The following DLC1 variants were observed in gnomAD, a reference collection of about 807,000 sequenced individuals.
DLC1 encodes rho GTPase-activating protein 7.
In DLC1, 54 loss-of-function variants were observed where a neutral mutation model predicts 140.3. That is an observed-to-expected ratio of 0.38 (90% CI 0.31 to 0.48). The LOEUF (loss-of-function observed/expected upper bound fraction) is 0.48. Ranked by LOEUF, DLC1 falls within the 20% of genes least tolerant of loss-of-function variation. DLC1 has a pLI of 0.96. For synonymous variants in DLC1, 986 were observed against 728.1 expected (o/e 1.35, Z -5.70); for missense variants, 2,536 against 1,907.0 (o/e 1.33, Z -6.14).
At chr8:13,445,971 T>C (rs1189645968) in intron 2 of DLC1, among the ~76,000 whole-genome samples, 1 of 152,132 alleles carries the variant, frequency 6.6e-6, no homozygotes, top group Non-Finnish European at 1.5e-5. Flanking sequence ...AAGGGAATGG[T>C]TTAAGTCCTT....
At chr8:13,454,813 C>G (rs1314906708) in intron 2 of DLC1, among the ~76,000 whole-genome samples, 2 of 152,154 alleles carry the variant, frequency 1.3e-5, no homozygotes, top group Admixed American at 6.6e-5. Flanking sequence ...TTTGGCCTCT[C>G]AAAGCACTGG....
At chr8:13,359,244 C>CTT (rs145052135) in intron 4 of DLC1, among the ~76,000 whole-genome samples, 1 of 152,042 alleles carries the variant, frequency 6.6e-6, no homozygotes, top group Non-Finnish European at 1.5e-5. Context: ...ATCCTACAAA[C>CTT]TTTTTTTTCT....
chr8:13,268,961 G>A (rs1042353800), intron 5 of DLC1, among the ~76,000 whole-genome samples: 6 of 142,900 alleles, frequency 4.2e-5, no homozygotes, highest in Admixed American at 1.5e-4. Context: ...TGCAAGCTCC[G>A]CCTCCCGGGT....
rs760200166 is a variant in DLC1, at chr8:13,499,615, T to C, written c.457A>G (p.Ile153Val). ...GAAGAAACTTGGTTACTTTGTATGA[T>C]GGGCAGTGCCTTTTCTAAGGAGCCT... ...GAGSLEKALP[I>V]IQSNQVSSNS... Residue 153 changes from isoleucine (I) to valine (V), a missense_variant, in exon 2 of 18, where the codon ATC becomes GTC. By Grantham distance (29) the Ile-to-Val change is conservative (BLOSUM62 3). Transcript: ENST00000276297. 3.7e-6 allele frequency: 6 copies of C among 1,614,080 alleles called. No homozygotes were observed. The highest frequency in any genetic ancestry group is 1.1e-5 in the South Asian group (1 of 91,094).
Position 13,088,593 on chromosome 8 carries a change from G to C in DLC1, c.4186C>G (p.Leu1396Val). The C allele has an allele frequency of 1.2e-6, 2 of 1,614,110 alleles. No homozygotes were observed. Among genetic ancestry groups the C allele is most frequent in the Non-Finnish European group, 1.7e-6 (2 of 1,180,034 alleles). Residue 1396 changes from leucine (L) to valine (V), a missense_variant, in exon 16 of 18, where the codon CTG becomes GTG. Physicochemically the swap from Leu to Val is conservative, Grantham distance 32. Coordinates refer to ENST00000276297, the MANE Select transcript of DLC1 (RefSeq NM_182643.3). ...LKEQHLWDVD[L>V]LDSKVIEILD... is the part of the protein sequence containing the mutation. ...ATTTCGATCACTTTTGAATCCAACA[G>C]GTCTACATCCCAGAGGTGCTGTTCT...
chr8:13,205,444 C>A (rs77016167), intron 5 of DLC1, among the ~76,000 whole-genome samples: 1 of 151,950 alleles, frequency 6.6e-6, no homozygotes, highest in Non-Finnish European at 1.5e-5. Flanking sequence ...ATTGTGGTTC[C>A]GCGGCATAAA....
intron 1 of DLC1, among the ~76,000 whole-genome samples, chr8:13,523,892 G>A (rs1227688204): frequency 6.6e-6 from 1 of 151,562 alleles, no homozygotes; most frequent in African/African-American, 2.4e-5. Context: ...GTTCCCAAGG[G>A]GGAGGGGAGA....
rs141430462 is a variant in DLC1, at chr8:13,165,023, A to G, written c.1349-49366T>C. Among the ~76,000 whole-genome samples the G allele has an allele frequency of 9.4e-3, 1,425 of 152,294 alleles. 12 individuals are homozygous for G. Among genetic ancestry groups the G allele is most frequent in the Admixed American group, 0.014 (216 of 15,298 alleles). The stretch of plus-strand genomic sequence containing the variant: ...TCATCTGAATATGGTAAGTTGCAGA[A>G]TGGATATGGATGGCTTTATGACTGG... On this transcript the variant is annotated intron_variant, in intron 5 of 17. Coordinates refer to ENST00000276297, the MANE Select transcript of DLC1 (RefSeq NM_182643.3).
At chr8:13,580,924 G>C (rs1183262503) in intron 1 of DLC1, among the ~76,000 whole-genome samples, 2 of 152,182 alleles carry the variant, frequency 1.3e-5, no homozygotes, top group African/African-American at 2.4e-5. Context: ...GGGCTCCCCA[G>C]CATGAACTGA....
intron 5 of DLC1, among the ~76,000 whole-genome samples, chr8:13,274,021 A>G (rs1014566707): frequency 2.0e-5 from 3 of 152,176 alleles, no homozygotes; most frequent in African/African-American, 7.2e-5. Flanking sequence ...CAACATAAAG[A>G]AAAGGGTTTG....
chr8:13,302,597 G>A (rs1832245089), intron 5 of DLC1, among the ~76,000 whole-genome samples: 1 of 151,898 alleles, frequency 6.6e-6, no homozygotes, highest in African/African-American at 2.4e-5. Flanking sequence ...ATTTCATTTA[G>A]AGCTTCACAA....
At chr8:13,471,471 T>G (rs1585165046) in intron 2 of DLC1, among the ~76,000 whole-genome samples, 4 of 116,552 alleles carry the variant, frequency 3.4e-5, no homozygotes, top group Admixed American at 2.3e-4. Context: ...AAGGAAGGAA[T>G]GAAGGAAGGA....
chr8:13,450,147 C>T (rs1563356740), intron 2 of DLC1, among the ~76,000 whole-genome samples: 1 of 151,374 alleles, frequency 6.6e-6, no homozygotes, highest in Non-Finnish European at 1.5e-5. Flanking sequence ...TAAAATAGAT[C>T]ATAATTATTT....
chr8:13,099,860 C>T lies in DLC1; in HGVS notation c.2477G>A (p.Ser826Asn). The change falls in exon 9 of 18, where the codon AGT becomes AAT. Residue 826 changes from serine (S) to asparagine (N), a missense_variant. Physicochemically the swap from Ser to Asn is conservative, Grantham distance 46 (BLOSUM62 1). Transcript: ENST00000276297. Reference protein sequence around the residue: ...GTFPKALTNGSFSPSGNNGSV... With the variant: ...GTFPKALTNGNFSPSGNNGSV... Reference sequence around the variant, plus strand: ...GCCGTTATTCCCCGAGGGGGAGAAACTGCCATTGGTGAGAGCTTTGGGGAA... The same window carrying T: ...GCCGTTATTCCCCGAGGGGGAGAAATTGCCATTGGTGAGAGCTTTGGGGAA... 1 of 1,614,212 alleles carries T rather than the reference C, an allele frequency of 6.2e-7. No individual in the cohort carries two copies. Among genetic ancestry groups the T allele is most frequent in the South Asian group, 1.1e-5 (1 of 91,086 alleles).
intron 2 of DLC1, among the ~76,000 whole-genome samples, chr8:13,437,685 C>T (rs1247971551): frequency 6.6e-6 from 1 of 152,136 alleles, no homozygotes; most frequent in Non-Finnish European, 1.5e-5. Context: ...GTAGGCAGAG[C>T]TGCAGGGGCC....
intron 2 of DLC1, among the ~76,000 whole-genome samples, chr8:13,476,535 C>G (rs1800443156): frequency 6.6e-6 from 1 of 150,898 alleles, no homozygotes; most frequent in South Asian, 2.1e-4. Context: ...TCGGACATTC[C>G]AGAGAGGGAC....
chr8:13,317,020 G>A (rs1453872231), intron 4 of DLC1, among the ~76,000 whole-genome samples: 1 of 151,934 alleles, frequency 6.6e-6, no homozygotes, highest in Non-Finnish European at 1.5e-5. Context: ...TGTGAGACAT[G>A]GACTGTAATA....
chr8:13,188,507 A>G (rs193180217), intron 5 of DLC1, among the ~76,000 whole-genome samples: 66 of 148,648 alleles, frequency 4.4e-4, no homozygotes, highest in African/African-American at 1.3e-3. Flanking sequence ...GGGACTTTCT[A>G]TAGTATTGGA....
Position 13,500,051 on chromosome 8 carries a change from C to G in DLC1, c.21G>C (p.Lys7Asn). The change falls in exon 2 of 18, where the codon AAG (lysine) becomes AAC (asparagine). Residue 7 changes from lysine (K) to asparagine (N), a missense_variant. Lys to Asn is a moderately conservative substitution (Grantham distance 94, BLOSUM62 0). Transcript: ENST00000276297. Reference sequence around the variant, plus strand: ...GGGTCACATGTTCTTCCCAGCTTCTCTTTCTGATAGCTACAGACATGTCAT... The same window carrying G: ...GGGTCACATGTTCTTCCCAGCTTCTGTTTCTGATAGCTACAGACATGTCAT... Reference protein sequence around the residue: MSVAIRKRSWEEHVTHW... With the variant: MSVAIRNRSWEEHVTHW... The G allele has an allele frequency of 1.9e-6, 3 of 1,613,846 alleles. No homozygotes were observed. The highest frequency in any genetic ancestry group is 2.5e-6 in the Non-Finnish European group (3 of 1,179,818).
Sources: allele counts gnomAD v4.1 joint callset (sites outside exome capture counted in the v4.1 genomes callset), GRCh38; gene constraint gnomAD v4.1.1; transcripts MANE v1.5; gene names NCBI Gene and HGNC (gene_info 2026-07-23, HGNC 2026-07-21).